Variants in SUFU observed in about 807,000 individuals in gnomAD.
The protein encoded by SUFU is suppressor of fused homolog.
SUFU carries 7 observed loss-of-function variants against 58.9 expected under a neutral mutation model. The observed-to-expected ratio is 0.12, with a 90% CI of 0.07 to 0.22. The LOEUF (loss-of-function observed/expected upper bound fraction) is 0.22. SUFU is among the 10% of genes least tolerant of loss of function. The probability of loss-of-function intolerance (pLI) is 1.00; values close to 1 mark genes in which losing one functional copy is unlikely to be tolerated. For synonymous variants in SUFU, 232 were observed against 254.8 expected (o/e 0.91, Z 0.85); for missense variants, 451 against 641.3 (o/e 0.70, Z 3.20).
chr10:102,584,693 G>A (rs11191342), intron 3 of SUFU, among the ~76,000 whole-genome samples: 45,905 of 151,894 alleles, frequency 0.3, 7,225 homozygotes, highest in Admixed American at 0.36. Flanking sequence ...TCCTTATTTA[G>A]TATAGTGATA....
At chr10:102,614,879 TA>T (rs201612268) in intron 8 of SUFU, among the ~76,000 whole-genome samples, 8,888 of 137,158 alleles carry the variant, frequency 0.065, 294 homozygotes, top group East Asian at 0.1. Context: ...CCATCTCAAT[TA>T]AAAAAAAAAA....
At chr10:102,547,861 GAA>G (rs2062870350) in intron 2 of SUFU, among the ~76,000 whole-genome samples, 1 of 151,910 alleles carries the variant, frequency 6.6e-6, no homozygotes. Context: ...AAGAGAGAAA[GAA>G]AGAGAGGCTG....
intron 2 of SUFU, among the ~76,000 whole-genome samples, chr10:102,515,373 A>G (rs895474956): frequency 1.3e-5 from 2 of 149,006 alleles, no homozygotes; most frequent in East Asian, 2.0e-4. Flanking sequence ...CTGGAGTGCA[A>G]TGGTGTGATC....
At chr10:102,552,215 C>A (rs2062926340) in intron 3 of SUFU, among the ~76,000 whole-genome samples, 1 of 152,048 alleles carries the variant, frequency 6.6e-6, no homozygotes, top group African/African-American at 2.4e-5. Context: ...GAGGCTGAAG[C>A]AGGAGGATCA....
intron 3 of SUFU, among the ~76,000 whole-genome samples, chr10:102,556,381 G>A (rs1202673946): frequency 6.6e-6 from 1 of 152,216 alleles, no homozygotes; most frequent in Non-Finnish European, 1.5e-5. Flanking sequence ...GCATCCAGAG[G>A]CAGTGAAGGC....
At chr10:102,573,186 T>TAGGAGG (rs1172698440) in intron 3 of SUFU, 1 of 757,636 alleles carries the variant, frequency 1.3e-6, no homozygotes, top group Non-Finnish European at 2.4e-6. Flanking sequence ...GCTTCGGCTT[T>TAGGAGG]AGGAGGAGCA....
intron 2 of SUFU, 145 bp from the exon 3 acceptor site, chr10:102,549,825 A>C: frequency 8.5e-6 from 9 of 1,053,898 alleles, no homozygotes; most frequent in Admixed American, 2.2e-5. Context: ...TTCCCTCCCC[A>C]CAAGGCTCAC....
At chr10:102,537,752 C>T (rs2062757381) in intron 2 of SUFU, among the ~76,000 whole-genome samples, 3 of 152,182 alleles carry the variant, frequency 2.0e-5, no homozygotes, top group Admixed American at 2.0e-4. Flanking sequence ...TTTTTAAAGG[C>T]TAATATTCCA....
chr10:102,605,363 C>T (rs1471813768), intron 8 of SUFU, among the ~76,000 whole-genome samples: 1 of 152,108 alleles, frequency 6.6e-6, no homozygotes, highest in African/African-American at 2.4e-5. Flanking sequence ...AAACATTAGC[C>T]AGGTGTGGTG....
intron 2 of SUFU, among the ~76,000 whole-genome samples, chr10:102,510,016 T>G (rs2062380466): frequency 1.3e-5 from 2 of 150,890 alleles, no homozygotes; most frequent in Admixed American, 1.3e-4. Flanking sequence ...TTTTTGTAAT[T>G]TTTTTGTAGA....
chr10:102,601,884 G>A (rs1021725022), intron 8 of SUFU, among the ~76,000 whole-genome samples: 4 of 152,278 alleles, frequency 2.6e-5, no homozygotes, highest in African/African-American at 7.2e-5. Flanking sequence ...TTTTGTCTGC[G>A]GGTCTGATTT....
Position 102,619,317 on chromosome 10 carries a change from C to T in SUFU, c.1296+1889C>T. 4 of 1,435,148 alleles carry T rather than the reference C, an allele frequency of 2.8e-6. No individual in the cohort carries two copies. Among genetic ancestry groups the T allele is most frequent in the South Asian group, 3.0e-5 (2 of 67,560 alleles). The allele number at this position is 1,435,148 out of a possible 1,614,324, so 88.9% of individuals were successfully genotyped here. ...AACCCCCTCACCTCCCTGGCAGCCC[C>T]TCAGCGAGCCTGAGGCCCAGCACCC... On this transcript the variant is annotated intron_variant, in intron 10 of 11. Coordinates refer to ENST00000369902, the MANE Select transcript of SUFU (RefSeq NM_016169.4). This position sits in a 1 kb window ranked among gnomAD's most constrained non-coding sequence, Gnocchi z 4.2.
intron 10 of SUFU, among the ~76,000 whole-genome samples, chr10:102,624,110 T>A (rs2063766366): frequency 6.6e-6 from 1 of 152,208 alleles, no homozygotes; most frequent in Admixed American, 6.5e-5. Context: ...CTGCTTCTGC[T>A]ATTGGCCATT....
chr10:102,613,077 G>C (rs2063642933), intron 8 of SUFU, among the ~76,000 whole-genome samples: 1 of 152,214 alleles, frequency 6.6e-6, no homozygotes, highest in African/African-American at 2.4e-5. Context: ...TGGCCCTGGT[G>C]GAAGGGAAAG....
chr10:102,539,728 T>G lies in SUFU; in HGVS notation c.318-10242T>G, dbSNP rs544852772. 1.9e-4 allele frequency among the ~76,000 whole-genome samples: 29 copies of G among 152,332 alleles called. No individual in the cohort carries two copies. The South Asian group carries it at 3.9e-3, about 21-fold the overall frequency. ...TCTCCATATTTACTTACTTATTCAT[T>G]TATTTATATCAATGTATTAGGGCTC... On this transcript the variant is annotated intron_variant, in intron 2 of 11. Coordinates refer to ENST00000369902, the MANE Select transcript of SUFU (RefSeq NM_016169.4).
At chr10:102,548,669 G>T (rs1302320624) in intron 2 of SUFU, among the ~76,000 whole-genome samples, 1 of 152,180 alleles carries the variant, frequency 6.6e-6, no homozygotes, top group Non-Finnish European at 1.5e-5. Context: ...CAAGCCTCAT[G>T]TAGCTCTCCC....
chr10:102,593,763 G>T, intron 5 of SUFU, 42 bp downstream of exon 5: 2 of 1,594,772 alleles, frequency 1.3e-6, no homozygotes, highest in Non-Finnish European at 1.7e-6. Context: ...CCCTGGGCCT[G>T]GGGGTGGGAG....
At chr10:102,603,751 T>G (rs531852554) in intron 8 of SUFU, among the ~76,000 whole-genome samples, 1 of 152,344 alleles carries the variant, frequency 6.6e-6, no homozygotes, top group Non-Finnish European at 1.5e-5. Context: ...TAGATTTCTC[T>G]CTACTCTTAG....
intron 2 of SUFU, among the ~76,000 whole-genome samples, chr10:102,545,651 C>T (rs569205429): frequency 2.6e-5 from 4 of 152,286 alleles, no homozygotes; most frequent in African/African-American, 9.6e-5. Flanking sequence ...GGCAGTAGCT[C>T]ACTGTGGTTT....
Sources: allele counts gnomAD v4.1 joint callset (sites outside exome capture counted in the v4.1 genomes callset), GRCh38; gene constraint gnomAD v4.1.1; non-coding constraint Gnocchi (gnomAD v3.1); transcripts MANE v1.5; gene names NCBI Gene and HGNC (gene_info 2026-07-23, HGNC 2026-07-21).